AMMECR1: variants seen among roughly 807,000 people sequenced by gnomAD.
AMMECR1 encodes the protein nuclear protein AMMECR1.
AMMECR1 carries 3 observed loss-of-function variants against 22.5 expected under a neutral mutation model. The observed-to-expected ratio is 0.13, with a 90% CI of 0.06 to 0.35. AMMECR1 has a LOEUF of 0.35. AMMECR1 is among the 10% of genes least tolerant of loss of function. AMMECR1 has a pLI of 1.00. For synonymous variants in AMMECR1, 130 were observed against 116.7 expected (o/e 1.11, Z -0.74); for missense variants, 235 against 278.7 (o/e 0.84, Z 1.12).
intron 1 of AMMECR1, among the ~76,000 whole-genome samples, chrX:110,291,133 A>G (rs1001149214): frequency 9.0e-6 from 1 of 111,647 alleles, no homozygotes; most frequent in African/African-American, 3.3e-5. Context: ...TGGAGTGGGG[A>G]AGAGAAGGGA....
At chrX:110,389,703 A>AAGGAAGGG (rs1255346808) in intron 2 of AMMECR1, among the ~76,000 whole-genome samples, 137 of 110,692 alleles carry the variant, frequency 1.2e-3, no homozygotes, top group African/African-American at 4.3e-3. Context: ...GTTTGATAGA[A>AAGGAAGGG]AGGAAGGGAG....
chrX:110,216,483 T>A, intron 3 of AMMECR1, 35 bp downstream of exon 3: 1 of 1,058,088 alleles, frequency 9.5e-7, no homozygotes, highest in Non-Finnish European at 1.3e-6. Flanking sequence ...AAGAGTTACC[T>A]TCATTTTTCT....
chrX:110,318,155 C>T, upstream of AMMECR1: 1 of 883,725 alleles, frequency 1.1e-6, no homozygotes, highest in South Asian at 6.0e-5. Context: ...GCGGCTCAGG[C>T]CGCCGGGGGC....
chrX:110,373,983 T>A (rs919269921), intron 2 of AMMECR1, among the ~76,000 whole-genome samples: 2 of 111,910 alleles, frequency 1.8e-5, no homozygotes, highest in African/African-American at 6.5e-5. Context: ...AGCATGGCAC[T>A]ATAAAAATGC....
Position 110,248,678 on chromosome X carries a change from G to A in AMMECR1, c.584+15811C>T, listed in dbSNP as rs369225613. ...TTAATTACTTAGAAACTTGGAATTT[G>A]TTTCCTTAATTATAATTTCTAAGGA... On this transcript the variant is annotated intron_variant, in intron 2 of 5. Transcript: ENST00000262844. 9.8e-5 allele frequency among the ~76,000 whole-genome samples: 11 copies of A among 112,398 alleles called. No individual in the cohort carries two copies. In the East Asian group the frequency reaches 2.2e-3, roughly 23 times the overall value.
intron 2 of AMMECR1, among the ~76,000 whole-genome samples, chrX:110,250,697 A>G (rs2067682415): frequency 8.9e-6 from 1 of 112,131 alleles, no homozygotes; most frequent in Non-Finnish European, 1.9e-5. Context: ...GGTGTTTGAA[A>G]TGAAATGGGC....
At chrX:110,408,640 A>G (rs1423626482) in intron 2 of AMMECR1, among the ~76,000 whole-genome samples, 1 of 112,105 alleles carries the variant, frequency 8.9e-6, no homozygotes, top group African/African-American at 3.2e-5. Flanking sequence ...GATCACACAG[A>G]CTCATTCACC....
At chrX:110,211,770 C>G (rs946277579) in intron 3 of AMMECR1, among the ~76,000 whole-genome samples, 2 of 111,628 alleles carry the variant, frequency 1.8e-5, no homozygotes, top group African/African-American at 6.5e-5. Flanking sequence ...TCATCCTTCT[C>G]ATACCTACTA....
chrX:110,402,391 A>T lies in AMMECR1; in HGVS notation c.-148+24267T>A, dbSNP rs2068571235. On this transcript the variant is annotated intron_variant, in intron 2 of 7. Coordinates refer to the AMMECR1 transcript ENST00000372057. ...GTTGCCTTGGTAAGGCAGGGTTATT[A>T]TTTATATCTGAGTGCAAATTCCTTG... Among the ~76,000 whole-genome samples, 9 of 112,904 alleles carry T rather than the reference A, an allele frequency of 8.0e-5. 1 individual carries two copies. The highest frequency in any genetic ancestry group is 3.7e-4 in the Admixed American group (4 of 10,716).
At chrX:110,356,280 G>A (rs370680851) in intron 2 of AMMECR1, among the ~76,000 whole-genome samples, 29 of 107,949 alleles carry the variant, frequency 2.7e-4, no homozygotes, top group African/African-American at 8.1e-4. Context: ...AGCCTCCAGA[G>A]TAGATGGGAT....
intron 2 of AMMECR1, among the ~76,000 whole-genome samples, chrX:110,361,376 G>T (rs2068262289): frequency 9.0e-6 from 1 of 111,256 alleles, no homozygotes; most frequent in African/African-American, 3.3e-5. Flanking sequence ...TATTGCACTA[G>T]CCTCTCAACT....
At chrX:110,272,433 T>G (rs2148202916) in intron 1 of AMMECR1, among the ~76,000 whole-genome samples, 1 of 111,911 alleles carries the variant, frequency 8.9e-6, no homozygotes, top group Non-Finnish European at 1.9e-5. Context: ...GGTATTTCCA[T>G]TTGACTGTGT....
intron 2 of AMMECR1, among the ~76,000 whole-genome samples, chrX:110,326,827 CT>C (rs1315856363): frequency 8.9e-6 from 1 of 111,860 alleles, no homozygotes; most frequent in Non-Finnish European, 1.9e-5. Context: ...AGTCAGGAGA[CT>C]TCGTTAATTC....
chrX:110,248,918 G>C (rs758818622), intron 2 of AMMECR1, among the ~76,000 whole-genome samples: 8 of 112,415 alleles, frequency 7.1e-5, no homozygotes, highest in African/African-American at 2.6e-4. Context: ...ATGTTGTACA[G>C]AAAGAGATCA....
rs146553860 is a variant in AMMECR1, at chrX:110,439,137, A to G, written c.-294+753T>C. ...TTTGAGGGGACTTCAGCAGTCCCCGACAGAAGGACAAGAGGGGCTGATTCT... is the reference window on the plus strand; with the variant it reads ...TTTGAGGGGACTTCAGCAGTCCCCGGCAGAAGGACAAGAGGGGCTGATTCT... On this transcript the variant is annotated intron_variant, in intron 1 of 7. Coordinates refer to the AMMECR1 transcript ENST00000372057. Among the ~76,000 whole-genome samples, 579 of 111,856 alleles carry G rather than the reference A, an allele frequency of 5.2e-3. 4 individuals carry two copies. The highest frequency in any genetic ancestry group is 0.018 in the African/African-American group (565 of 30,765).
chrX:110,227,593 TC>T (rs1312164735), intron 2 of AMMECR1, among the ~76,000 whole-genome samples: 2 of 112,017 alleles, frequency 1.8e-5, no homozygotes, highest in African/African-American at 6.5e-5. Context: ...GCTCCTCTTT[TC>T]TACTCTAGTA....
At chrX:110,214,136 G>A (rs1258270330) in intron 3 of AMMECR1, among the ~76,000 whole-genome samples, 3 of 110,123 alleles carry the variant, frequency 2.7e-5, no homozygotes, top group African/African-American at 6.6e-5. Flanking sequence ...AGTGGTGGGC[G>A]CCTGTAGTCC....
intron 2 of AMMECR1, among the ~76,000 whole-genome samples, chrX:110,331,785 C>G (rs185624030): frequency 1.8e-5 from 2 of 112,142 alleles, no homozygotes; most frequent in South Asian, 3.7e-4. Flanking sequence ...GACTAGTTCT[C>G]TAGCGTTGTC....
intron 1 of AMMECR1, among the ~76,000 whole-genome samples, chrX:110,276,086 C>A (rs1238443543): frequency 9.1e-6 from 1 of 110,354 alleles, no homozygotes. Context: ...TCCATTTTTT[C>A]TATTCTGTTT....
Sources: allele counts gnomAD v4.1 joint callset (sites outside exome capture counted in the v4.1 genomes callset), GRCh38; gene constraint gnomAD v4.1.1; transcripts MANE v1.5; gene names NCBI Gene and HGNC (gene_info 2026-07-23, HGNC 2026-07-21).